Variants in IMPG1 observed in about 807,000 individuals in gnomAD.
The protein encoded by IMPG1 is interphotoreceptor matrix proteoglycan 1.
A neutral mutation model predicts 92.0 loss-of-function variants in IMPG1; 85 were observed. That is an observed-to-expected ratio of 0.92 (90% CI 0.78 to 1.11). IMPG1 has a LOEUF of 1.11. IMPG1 is among the 50% of genes least tolerant of loss of function. The pLI is 0.00. For synonymous variants in IMPG1, 367 were observed against 334.1 expected (o/e 1.10, Z -1.08); for missense variants, 1,022 against 956.0 (o/e 1.07, Z -0.91).
chr6:76,026,219 T>C (rs1310531896), intron 4 of IMPG1, among the ~76,000 whole-genome samples: 5 of 152,204 alleles, frequency 3.3e-5, no homozygotes, highest in Non-Finnish European at 5.9e-5. Flanking sequence ...CTTCAAACCA[T>C]CTGCAAGCCT....
intron 14 of IMPG1, chr6:75,934,901 T>C (rs756665739): frequency 6.4e-6 from 3 of 467,858 alleles, no homozygotes; most frequent in East Asian, 7.0e-5. Context: ...CTCCTGCTTT[T>C]GCGCTGTCCC....
chr6:76,009,392 C>T (rs1332760065), intron 8 of IMPG1, among the ~76,000 whole-genome samples: 1 of 152,146 alleles, frequency 6.6e-6, no homozygotes, highest in Non-Finnish European at 1.5e-5. Flanking sequence ...AACCTTTATA[C>T]AAATGAGCTG....
rs142517739 is a variant in IMPG1, at chr6:76,006,348, A to T, written c.888-814T>A. On this transcript the variant is annotated intron_variant, in intron 9 of 16. Coordinates refer to ENST00000369950, the MANE Select transcript of IMPG1 (RefSeq NM_001563.4). ...TGTATATTATATATATGCACACAAT[A>T]TATATATACTATTATGCATATACAC... is the stretch of plus-strand genomic sequence containing the variant. Among the ~76,000 whole-genome samples, 328 of 148,394 alleles carry T rather than the reference A, an allele frequency of 2.2e-3. 1 individual carries two copies. The highest frequency in any genetic ancestry group is 7.8e-3 in the African/African-American group (320 of 40,896).
intron 12 of IMPG1, among the ~76,000 whole-genome samples, chr6:75,998,286 A>C (rs568727464): frequency 2.6e-5 from 4 of 152,346 alleles, no homozygotes. Context: ...AACATGTATT[A>C]ATTTTTAATA....
intron 1 of IMPG1, among the ~76,000 whole-genome samples, chr6:76,069,896 T>C (rs926431968): frequency 5.3e-4 from 80 of 152,172 alleles, no homozygotes; most frequent in African/African-American, 1.9e-3. Flanking sequence ...AACCCAATAC[T>C]GCATGTTCTC....
intron 5 of IMPG1, among the ~76,000 whole-genome samples, chr6:76,022,511 A>G (rs1783450514): frequency 1.3e-5 from 2 of 152,152 alleles, no homozygotes; most frequent in Non-Finnish European, 2.9e-5. Context: ...TCTTAATGAC[A>G]CTATATAAAG....
chr6:76,005,531 T>G lies in IMPG1; in HGVS notation c.891A>C (p.Ser297=). 1 of 1,613,854 alleles carries G rather than the reference T, an allele frequency of 6.2e-7. No individual in the cohort carries two copies. The highest frequency in any genetic ancestry group is 8.5e-7 in the Non-Finnish European group (1 of 1,179,878). The change falls in exon 10 of 17, where the codon TCA becomes TCC. Residue 297 remains serine (S), a synonymous_variant. Coordinates refer to ENST00000369950, the MANE Select transcript of IMPG1 (RefSeq NM_001563.4). The stretch of plus-strand genomic sequence containing the variant: ...CCGTAAGTTGCATCTCTGTGGAGCT[T>G]GAGCTGTAGATAGCAGAGGACACAT... ...GFRPKKEKDG[S]SSTEMQLTAI...
intron 1 of IMPG1, among the ~76,000 whole-genome samples, chr6:76,047,360 A>T (rs1474394469): frequency 6.6e-6 from 1 of 152,180 alleles, no homozygotes; most frequent in African/African-American, 2.4e-5. Context: ...GAATTCATTC[A>T]TTGCTCCCTC....
intron 2 of IMPG1, among the ~76,000 whole-genome samples, chr6:76,040,782 C>T (rs528896790): frequency 1.3e-5 from 2 of 152,278 alleles, no homozygotes; most frequent in African/African-American, 4.8e-5. Context: ...GTTAATTATG[C>T]TTCCAAAACC....
chr6:75,928,115 C>T lies in IMPG1; in HGVS notation c.2243+2838G>A, dbSNP rs182689088. Among the ~76,000 whole-genome samples, 9 of 152,258 alleles carry T rather than the reference C, an allele frequency of 5.9e-5. No individual in the cohort carries two copies. The East Asian group carries it at 1.5e-3, about 26-fold the overall frequency. Reference sequence around the variant, plus strand: ...TGAAAACGGAATACATTCCTGTTCACAAAAGCCGCATGCAACCCTCTTCTT... The same window carrying T: ...TGAAAACGGAATACATTCCTGTTCATAAAAGCCGCATGCAACCCTCTTCTT... On this transcript the variant is annotated intron_variant, in intron 15 of 16. Transcript: ENST00000369950.
chr6:75,994,228 A>G (rs964788684), intron 12 of IMPG1, among the ~76,000 whole-genome samples: 29 of 152,224 alleles, frequency 1.9e-4, no homozygotes, highest in African/African-American at 6.0e-4. Context: ...TGAAACCTCT[A>G]AATCAGGATG....
intron 2 of IMPG1, among the ~76,000 whole-genome samples, chr6:76,038,179 G>A (rs150815178): frequency 0.017 from 2,519 of 152,206 alleles, 43 homozygotes; most frequent in South Asian, 0.021. Context: ...TCAAATAAGA[G>A]GTACTATTTT....
At chr6:76,019,618 A>G (rs1268076009) in intron 6 of IMPG1, among the ~76,000 whole-genome samples, 1 of 152,202 alleles carries the variant, frequency 6.6e-6, no homozygotes, top group Non-Finnish European at 1.5e-5. Context: ...CTTTAGTAGG[A>G]CACAAGGAGG....
intron 1 of IMPG1, among the ~76,000 whole-genome samples, chr6:76,044,020 T>C (rs889916605): frequency 6.6e-6 from 1 of 152,240 alleles, no homozygotes; most frequent in Non-Finnish European, 1.5e-5. Flanking sequence ...CGGCTTGATC[T>C]GAATAATTAC....
chr6:76,065,269 A>C (rs1405885492), intron 1 of IMPG1, among the ~76,000 whole-genome samples: 1 of 152,140 alleles, frequency 6.6e-6, no homozygotes, highest in Non-Finnish European at 1.5e-5. Flanking sequence ...CAGATAAAGA[A>C]GTCAAAATAT....
Position 75,921,980 on chromosome 6 carries a change from T to C in IMPG1, c.*109A>G. The C allele has an allele frequency of 4.6e-6, 3 of 653,524 alleles. No individual in the cohort carries two copies. Among genetic ancestry groups the C allele is most frequent in the South Asian group, 1.6e-5 (1 of 61,410 alleles). The allele number at this position is 653,524 out of a possible 1,614,324, so 40.5% of individuals were successfully genotyped here. On this transcript the variant is annotated 3_prime_UTR_variant, in exon 17 of 17. Transcript: ENST00000369950. Reference sequence around the variant, plus strand: ...GTGTGTGCTGATTCTCAGTGTTGACTGTATGTCTGGATTTTGATGACCCAT... The same window carrying C: ...GTGTGTGCTGATTCTCAGTGTTGACCGTATGTCTGGATTTTGATGACCCAT...
chr6:75,969,655 C>T (rs182538008), intron 12 of IMPG1, among the ~76,000 whole-genome samples: 106 of 152,080 alleles, frequency 7.0e-4, no homozygotes, highest in African/African-American at 1.9e-3. Context: ...ATTGCTGGAA[C>T]CCATGAGACA....
At chr6:75,952,607 T>C (rs1782050781) in intron 12 of IMPG1, among the ~76,000 whole-genome samples, 1 of 152,152 alleles carries the variant, frequency 6.6e-6, no homozygotes, top group Admixed American at 6.6e-5. Flanking sequence ...ACTTAAAGTT[T>C]TATTAAAATC....
chr6:75,985,725 T>C (rs1562359503), intron 12 of IMPG1, among the ~76,000 whole-genome samples: 1 of 152,194 alleles, frequency 6.6e-6, no homozygotes, highest in African/African-American at 2.4e-5. Context: ...AGTTCCTTTA[T>C]AGGACCTGGT....
Sources: gnomAD v4.1 joint callset for allele counts (sites outside exome capture counted in the v4.1 genomes callset) on GRCh38, gnomAD v4.1.1 for gene constraint, MANE v1.5 for transcripts, NCBI Gene and HGNC (gene_info 2026-07-23, HGNC 2026-07-21) for gene names.